MAP3K7: variants seen among roughly 807,000 people sequenced by gnomAD.
MAP3K7 encodes the protein mitogen-activated protein kinase kinase kinase 7.
A neutral mutation model predicts 84.8 loss-of-function variants in MAP3K7; 21 were observed. The ratio of observed to expected loss-of-function variants is 0.25; its 90% CI spans 0.18 to 0.36. The LOEUF is 0.36. MAP3K7 is among the 10% of genes least tolerant of loss of function. The pLI, the probability that MAP3K7 is intolerant of heterozygous loss-of-function variation, is 1.00. For missense variants in MAP3K7, 503 were observed against 747.7 expected (o/e 0.67, Z 3.82); for synonymous variants, 241 against 247.7 (o/e 0.97, Z 0.25).
At chr6:90,522,715 A>G (rs1195813642) in intron 14 of MAP3K7, among the ~76,000 whole-genome samples, 1 of 152,104 alleles carries the variant, frequency 6.6e-6, no homozygotes, top group Non-Finnish European at 1.5e-5. Flanking sequence ...CACACAGAAA[A>G]ACCACCCAGT....
intron 1 of MAP3K7, 55 bp downstream of exon 1, chr6:90,586,709 A>T: frequency 6.5e-7 from 1 of 1,544,604 alleles, no homozygotes; most frequent in Non-Finnish European, 8.7e-7. Context: ...GGCACCAGGC[A>T]GAGGCGGGGG....
chr6:90,529,068 G>A (rs1311492276), intron 13 of MAP3K7, among the ~76,000 whole-genome samples: 1 of 152,144 alleles, frequency 6.6e-6, no homozygotes, highest in East Asian at 1.9e-4. Flanking sequence ...CAGACCTTGT[G>A]TTTGAGGACA....
intron 1 of MAP3K7, among the ~76,000 whole-genome samples, chr6:90,576,419 T>TCACACACACACACA (rs11468988): frequency 2.6e-4 from 36 of 136,952 alleles, no homozygotes; most frequent in South Asian, 9.9e-4. Context: ...CTAGACTCTG[T>TCACACACACACACA]CACACACACA....
intron 6 of MAP3K7, among the ~76,000 whole-genome samples, chr6:90,553,995 T>G (rs1279087599): frequency 3.9e-5 from 6 of 152,226 alleles, no homozygotes; most frequent in African/African-American, 9.7e-5. Context: ...TGGAGCTCAG[T>G]GTAGCCTCAA....
chr6:90,533,399 G>A (rs1775569110), intron 13 of MAP3K7, among the ~76,000 whole-genome samples: 1 of 152,130 alleles, frequency 6.6e-6, no homozygotes, highest in African/African-American at 2.4e-5. Flanking sequence ...CTCAGTAAGA[G>A]GGTTTTAGAA....
At chr6:90,526,759 C>T (rs1775335575) in intron 13 of MAP3K7, among the ~76,000 whole-genome samples, 1 of 151,906 alleles carries the variant, frequency 6.6e-6, no homozygotes, top group South Asian at 2.1e-4. Flanking sequence ...AATTCCTATA[C>T]ATTATAGAAA....
Position 90,560,200 on chromosome 6 carries a change from C to T in MAP3K7, c.358G>A (p.Glu120Lys), listed in dbSNP as rs1776463168. 6.2e-7 allele frequency: 1 copy of T among 1,613,974 alleles called. No homozygotes were observed. The highest frequency in any genetic ancestry group is 8.5e-7 in the Non-Finnish European group (1 of 1,179,984). ...GSLYNVLHGA[E>K]PLPYYTAAHA... is the part of the protein sequence containing the mutation. Reference sequence around the variant, plus strand: ...GCAGCAGTATAATATGGCAATGGTTCAGCACCATGCAGCACTGCGAAAGAA... The same window carrying T: ...GCAGCAGTATAATATGGCAATGGTTTAGCACCATGCAGCACTGCGAAAGAA... Residue 120 changes from glutamate (E) to lysine (K), a missense_variant, in exon 5 of 17, where the codon GAA (glutamate) becomes AAA (lysine). Physicochemically the swap from Glu to Lys is moderately conservative, Grantham distance 56 (BLOSUM62 1). Transcript: ENST00000369329.
intron 3 of MAP3K7, among the ~76,000 whole-genome samples, chr6:90,567,202 A>C (rs1776737743): frequency 6.6e-6 from 1 of 152,218 alleles, no homozygotes; most frequent in African/African-American, 2.4e-5. Flanking sequence ...CAAAAGCCAA[A>C]ATTGACAAAT....
chr6:90,583,151 C>T (rs985322359), intron 1 of MAP3K7, among the ~76,000 whole-genome samples: 1 of 152,020 alleles, frequency 6.6e-6, no homozygotes, highest in Non-Finnish European at 1.5e-5. Context: ...CCAAAGTGCT[C>T]GGATTACAGG....
At chr6:90,521,054 A>G (rs955491114) in intron 14 of MAP3K7, among the ~76,000 whole-genome samples, 15 of 152,064 alleles carry the variant, frequency 9.9e-5, no homozygotes, top group Non-Finnish European at 1.8e-4. Context: ...GGAGCAGAAA[A>G]AAAGTCCAAG....
At chr6:90,523,882 C>T (rs1775236533) in intron 13 of MAP3K7, 99 bp from the exon 14 acceptor site, 3 of 679,870 alleles carry the variant, frequency 4.4e-6, no homozygotes, top group Non-Finnish European at 5.3e-6. Context: ...CTTAGAGATC[C>T]CCCCAAAACT....
chr6:90,541,538 G>A (rs1582187002), intron 12 of MAP3K7, among the ~76,000 whole-genome samples: 1 of 152,046 alleles, frequency 6.6e-6, no homozygotes, highest in East Asian at 1.9e-4. Context: ...GATGGACAGT[G>A]GAAAGAAGGA....
chr6:90,533,362 T>C (rs1775567435), intron 13 of MAP3K7, among the ~76,000 whole-genome samples: 1 of 152,148 alleles, frequency 6.6e-6, no homozygotes, highest in South Asian at 2.1e-4. Flanking sequence ...TGAAGGAGAA[T>C]GCTTACCATG....
intron 1 of MAP3K7, among the ~76,000 whole-genome samples, chr6:90,577,732 C>T (rs1777135125): frequency 6.6e-6 from 1 of 152,240 alleles, no homozygotes; most frequent in Non-Finnish European, 1.5e-5. Context: ...GCAGTATCAA[C>T]ATCACCTGGA....
At chr6:90,527,425 G>T (rs527434471) in intron 13 of MAP3K7, among the ~76,000 whole-genome samples, 1 of 151,904 alleles carries the variant, frequency 6.6e-6, no homozygotes, top group African/African-American at 2.4e-5. Context: ...ACCATGCATG[G>T]CTAATTTTAA....
At chr6:90,550,597 T>C (rs1432626819) in intron 8 of MAP3K7, 48 bp from the exon 9 acceptor site, 2 of 1,173,568 alleles carry the variant, frequency 1.7e-6, no homozygotes, top group Admixed American at 1.9e-5. Flanking sequence ...TTAATACAAA[T>C]TAAATCCTGA....
intron 13 of MAP3K7, among the ~76,000 whole-genome samples, chr6:90,531,878 C>A (rs1013322412): frequency 6.6e-6 from 1 of 151,322 alleles, no homozygotes; most frequent in African/African-American, 2.4e-5. Flanking sequence ...ATCACTTGAA[C>A]TCAGGAGGCA....
intron 9 of MAP3K7, among the ~76,000 whole-genome samples, chr6:90,548,969 C>T (rs157687): frequency 0.7 from 105,566 of 151,642 alleles, 37,039 homozygotes; most frequent in Middle Eastern, 0.8. Context: ...TGGCATAATA[C>T]GTCTGAATGG....
chr6:90,546,380 C>T (rs1053900268), intron 11 of MAP3K7, among the ~76,000 whole-genome samples: 15 of 152,072 alleles, frequency 9.9e-5, no homozygotes, highest in Admixed American at 8.5e-4. Flanking sequence ...TACATTTATA[C>T]ACATACATAG....
Sources: allele counts gnomAD v4.1 joint callset (sites outside exome capture counted in the v4.1 genomes callset), GRCh38; gene constraint gnomAD v4.1.1; transcripts MANE v1.5; gene names NCBI Gene and HGNC (gene_info 2026-07-23, HGNC 2026-07-21).